The following TK2 variants were observed in gnomAD, a reference collection of about 807,000 sequenced individuals.
The protein encoded by TK2 is thymidine kinase 2, also known as thymidine kinase 2, mitochondrial.
In TK2, 35 loss-of-function variants were observed where a neutral mutation model predicts 41.9. That is an observed-to-expected ratio of 0.84 (90% CI 0.64 to 1.11). The LOEUF (loss-of-function observed/expected upper bound fraction) is 1.11. Ranked by LOEUF, TK2 falls within the 50% of genes least tolerant of loss-of-function variation. The probability of loss-of-function intolerance (pLI) is 0.00; values close to 1 mark genes in which losing one functional copy is unlikely to be tolerated. For synonymous variants in TK2, 128 were observed against 129.1 expected (o/e 0.99, Z 0.06); for missense variants, 320 against 351.1 (o/e 0.91, Z 0.71).
At chr16:66,520,636 C>T (rs574414802) in intron 6 of TK2, among the ~76,000 whole-genome samples, 8 of 152,302 alleles carry the variant, frequency 5.3e-5, no homozygotes, top group Middle Eastern at 3.4e-3. Context: ...AATGCTGCCA[C>T]GACTACATTG....
rs141764675 is a variant in TK2 at position 66,538,396 on chromosome 16, T to G, written c.232-1379A>C. ...TCAAACCCCCTCTCCTTCTTCTAGGTCTTCTTCCTAGCCCCTAAGTAGCAT... is the reference window on the plus strand; with the variant it reads ...TCAAACCCCCTCTCCTTCTTCTAGGGCTTCTTCCTAGCCCCTAAGTAGCAT... On this transcript the variant is annotated intron_variant, in intron 3 of 9. Coordinates refer to ENST00000544898, the MANE Select transcript of TK2 (RefSeq NM_004614.5). Among the ~76,000 whole-genome samples, 523 of 152,174 alleles carry G rather than the reference T, an allele frequency of 3.4e-3. 3 individuals are homozygous for G. Among genetic ancestry groups the G allele is most frequent in the African/African-American group, 0.011 (472 of 41,516 alleles).
intron 3 of TK2, among the ~76,000 whole-genome samples, chr16:66,539,740 A>T (rs1439610841): frequency 6.6e-6 from 1 of 152,180 alleles, no homozygotes; most frequent in East Asian, 1.9e-4. Context: ...GTACACACTG[A>T]ATTCCCCAGG....
chr16:66,538,132 CAGCCTGGGTGACAG>C (rs1186747794), intron 3 of TK2, among the ~76,000 whole-genome samples: 2 of 152,120 alleles, frequency 1.3e-5, no homozygotes, highest in African/African-American at 4.8e-5. Context: ...TACTGCACTC[CAGCCTGGGTGACAG>C]AGCAAGACTC....
intron 8 of TK2, among the ~76,000 whole-genome samples, chr16:66,515,133 CT>C (rs1964573545): frequency 6.6e-6 from 1 of 151,842 alleles, no homozygotes; most frequent in Admixed American, 6.6e-5. Flanking sequence ...CCAAATCCCC[CT>C]CTCCGAGAAA....
chr16:66,540,173 CTTT>C (rs200305417), intron 3 of TK2, among the ~76,000 whole-genome samples: 10 of 130,754 alleles, frequency 7.6e-5, no homozygotes, highest in Admixed American at 2.5e-4. Context: ...TTTCTTTTTT[CTTT>C]TTTTTTTTTT....
At position 66,517,831 on chromosome 16, in the gene TK2, C is replaced by T; in HGVS notation, c.496G>A (p.Asp166Asn). 1 of 1,614,150 alleles carries T rather than the reference C, an allele frequency of 6.2e-7. No individual in the cohort carries two copies. The highest frequency in any genetic ancestry group is 1.1e-5 in the South Asian group (1 of 91,072). ...ACGTCCATGTTCCTCAAGATCCAGT[C>T]AAACCATTCCGACAGAACTACATAG... ...VDYVVLSEWF[D>N]WILRNMDVSV... Residue 166 changes from aspartate to asparagine, a missense_variant, in exon 7 of 10, where the codon GAC becomes AAC. Asp to Asn is a conservative substitution (Grantham distance 23). Transcript: ENST00000544898. The surrounding 1 kb of genome is among the most constrained non-coding windows in gnomAD (Gnocchi z 4.3).
chr16:66,550,163 G>A, upstream of TK2: 1 of 1,612,556 alleles, frequency 6.2e-7, no homozygotes, highest in Non-Finnish European at 8.5e-7. Flanking sequence ...CCCGGCGCCT[G>A]GCCCTTAAAG....
Position 66,541,913 on chromosome 16 carries a change from C to T in TK2, c.197G>A (p.Cys66Tyr). ...EGNIASGKTT[C>Y]LEFFSNATDV... ...TGTCGCGTTGGAGAAGAATTCCAGGCATGTCGTCTTCCCACTTGCAATATT... is the reference window on the plus strand; with the variant it reads ...TGTCGCGTTGGAGAAGAATTCCAGGTATGTCGTCTTCCCACTTGCAATATT... Residue 66 changes from cysteine to tyrosine, a missense_variant, in exon 3 of 10, where the codon TGC becomes TAC. Transcript: ENST00000544898. 2 of 1,614,144 alleles carry T rather than the reference C, an allele frequency of 1.2e-6. No homozygotes were observed. The highest frequency in any genetic ancestry group is 1.7e-6 in the Non-Finnish European group (2 of 1,180,014).
chr16:66,528,696 G>A (rs1965011012), intron 6 of TK2, among the ~76,000 whole-genome samples: 2 of 152,222 alleles, frequency 1.3e-5, no homozygotes, highest in Admixed American at 1.3e-4. Context: ...GAAAAGAGAT[G>A]AGCCACCTCC....
In TK2 at chr16:66,550,025, C is replaced by T. The variant is rs929088751; in HGVS notation, c.37G>A (p.Ala13Thr). ...LWPLRGWAAR[A>T]LRCFGPGSRG... ...CTTCCCGGCCCAAAGCAGCGCAGCG[C>T]CCGGGCGGCCCAGCCCCGCAGCGGC... Residue 13 changes from alanine to threonine, a missense_variant, in exon 1 of 10, where the codon GCG becomes ACG. Transcript: ENST00000544898. The T allele has an allele frequency of 1.3e-6, 2 of 1,549,070 alleles. No individual in the cohort carries two copies. Among genetic ancestry groups the T allele is most frequent in the African/African-American group, 2.7e-5 (2 of 73,096 alleles).
intron 3 of TK2, among the ~76,000 whole-genome samples, chr16:66,540,173 C>CTTT (rs200305417): frequency 3.8e-5 from 5 of 130,758 alleles, no homozygotes; most frequent in Admixed American, 8.2e-5. Context: ...TTTCTTTTTT[C>CTTT]TTTTTTTTTT....
chr16:66,539,669 G>T (rs1292159380), intron 3 of TK2, among the ~76,000 whole-genome samples: 1 of 151,510 alleles, frequency 6.6e-6, no homozygotes, highest in Non-Finnish European at 1.5e-5. Context: ...AAGGGCAGGT[G>T]CAAAGTCTGG....
chr16:66,531,370 T>G lies in TK2; in HGVS notation c.375+10A>C, dbSNP rs764245012. On this transcript the variant is annotated intron_variant, in intron 5 of 9. Coordinates refer to ENST00000544898, the MANE Select transcript of TK2 (RefSeq NM_004614.5). The stretch of plus-strand genomic sequence containing the variant: ...TTTAAGAAGGCTGAAACTGAGCATC[T>G]GAAACCTACCTGAGGACGAGTATGC... 3.7e-6 allele frequency: 6 copies of G among 1,613,884 alleles called. No homozygotes were observed. Among genetic ancestry groups the G allele is most frequent in the South Asian group, 1.1e-5 (1 of 91,076 alleles).
chr16:66,518,761 G>A (rs1964690481), intron 6 of TK2, among the ~76,000 whole-genome samples: 1 of 152,118 alleles, frequency 6.6e-6, no homozygotes, highest in South Asian at 2.1e-4. Context: ...ATTTCCAAAA[G>A]TATTCACCAA....
intron 6 of TK2, among the ~76,000 whole-genome samples, chr16:66,521,165 C>T (rs1038730862): frequency 1.3e-5 from 2 of 152,208 alleles, no homozygotes; most frequent in African/African-American, 4.8e-5. Context: ...AACCACAGCT[C>T]AGAACAAATG....
At chr16:66,538,114 G>A (rs567446479) in intron 3 of TK2, among the ~76,000 whole-genome samples, 1 of 152,270 alleles carries the variant, frequency 6.6e-6, no homozygotes, top group Middle Eastern at 3.4e-3. Context: ...AGTGAGCCAA[G>A]ATCGCGCTAC....
chr16:66,525,252 G>A (rs555542228), intron 6 of TK2, among the ~76,000 whole-genome samples: 1 of 152,284 alleles, frequency 6.6e-6, no homozygotes, highest in Non-Finnish European at 1.5e-5. Context: ...CCTGGACTTA[G>A]GGACTCTGGG....
chr16:66,536,820 T>C, intron 4 of TK2, 144 bp downstream of exon 4: 1 of 995,402 alleles, frequency 1.0e-6, no homozygotes, highest in South Asian at 1.3e-5. Context: ...CATGCCACCA[T>C]TTTCTGCTTG....
chr16:66,511,886 G>T lies in TK2; in HGVS notation c.*82C>A. On this transcript the variant is annotated 3_prime_UTR_variant, in exon 10 of 10. Transcript: ENST00000544898. ...GGCCAGACACAAAGCCCTCCTGGGA[G>T]CAAGTTTTTCCAGATTGCTCCCAAT... 1 of 1,278,470 alleles carries T rather than the reference G, an allele frequency of 7.8e-7. No individual in the cohort carries two copies. Among genetic ancestry groups the T allele is most frequent in the Non-Finnish European group, 1.1e-6 (1 of 878,582 alleles). The allele number at this position is 1,278,470 out of a possible 1,614,324, so 79.2% of individuals were successfully genotyped here.
Sources: allele counts gnomAD v4.1 joint callset (sites outside exome capture counted in the v4.1 genomes callset), GRCh38; gene constraint gnomAD v4.1.1; non-coding constraint Gnocchi (gnomAD v3.1); transcripts MANE v1.5; gene names NCBI Gene and HGNC (gene_info 2026-07-23, HGNC 2026-07-21).